The following RBFOX1 variants were observed in gnomAD, a reference collection of about 807,000 sequenced individuals.
RBFOX1 encodes RNA binding protein fox-1 homolog 1.
Under a neutral mutation model 57.7 loss-of-function variants are expected in RBFOX1, and 8 were observed. The ratio of observed to expected loss-of-function variants is 0.14; its 90% CI spans 0.08 to 0.25. The LOEUF is 0.25. RBFOX1 is among the 10% of genes least tolerant of loss of function. RBFOX1 has a pLI of 1.00. For synonymous variants in RBFOX1, 326 were observed against 222.4 expected, an observed-to-expected ratio of 1.47 and a Z score of -4.15; for missense variants, 611 against 548.5, an observed-to-expected ratio of 1.11 and a Z score of -1.14.
In RBFOX1 at chr16:7,292,266, GAAC is replaced by G. The variant is rs1568064376; in HGVS notation, c.28-225880_28-225878del. ...TATCATATATATGATATATGATATAGAACGTATTATATATCATATATCATATAT... is the reference window on the plus strand; with the variant it reads ...TATCATATATATGATATATGATATAGGTATTATATATCATATATCATATAT... On this transcript the variant is annotated intron_variant, in intron 4 of 15. Transcript: ENST00000550418. Among the ~76,000 whole-genome samples, 28 of 94,384 alleles carry G rather than the reference GAAC, an allele frequency of 3.0e-4. 1 individual carries two copies. In the East Asian group the frequency reaches 5.8e-3, roughly 20 times the overall value. 61.9% of individuals were successfully genotyped at this position (94,384 alleles called of 152,430 possible).
chr16:7,490,970 G>C (rs2066783645), intron 4 of RBFOX1, among the ~76,000 whole-genome samples: 1 of 152,008 alleles, frequency 6.6e-6, no homozygotes, highest in South Asian at 2.1e-4. Flanking sequence ...TCTAACACTG[G>C]AGATCTCTTC....
chr16:6,223,207 T>A (rs1312654170), intron 1 of RBFOX1, among the ~76,000 whole-genome samples: 1 of 151,128 alleles, frequency 6.6e-6, no homozygotes, highest in Non-Finnish European at 1.5e-5. Flanking sequence ...GTCCTTTGGG[T>A]ATATACCCAG....
At chr16:5,552,358 A>G (rs896594626) in intron 2 of RBFOX1, among the ~76,000 whole-genome samples, 2 of 152,166 alleles carry the variant, frequency 1.3e-5, no homozygotes, top group Non-Finnish European at 2.9e-5. Context: ...TTTGCTCACA[A>G]TTATTGAGCT....
chr16:7,434,297 C>T (rs148662077), intron 4 of RBFOX1, among the ~76,000 whole-genome samples: 2 of 151,964 alleles, frequency 1.3e-5, no homozygotes, highest in Admixed American at 6.6e-5. Flanking sequence ...CGGTGAAACC[C>T]CGTCTCTACT....
chr16:6,634,072 C>T (rs748135829), intron 2 of RBFOX1, among the ~76,000 whole-genome samples: 3 of 145,664 alleles, frequency 2.1e-5, no homozygotes, highest in Non-Finnish European at 1.5e-5. Context: ...AACCTACACA[C>T]ACACATACAC....
chr16:5,469,386 G>T (rs147041091), intron 2 of RBFOX1, among the ~76,000 whole-genome samples: 2 of 152,310 alleles, frequency 1.3e-5, no homozygotes, highest in South Asian at 2.1e-4. Flanking sequence ...TTGTTGTGGT[G>T]GGGGAGCAGT....
At chr16:6,052,707 C>T (rs1322998725) in intron 1 of RBFOX1, among the ~76,000 whole-genome samples, 1 of 151,736 alleles carries the variant, frequency 6.6e-6, no homozygotes, top group Non-Finnish European at 1.5e-5. Context: ...TGGCGTGAAC[C>T]CGGGAGGCGG....
chr16:5,929,445 A>G (rs956073150), intron 4 of RBFOX1, among the ~76,000 whole-genome samples: 3 of 152,138 alleles, frequency 2.0e-5, no homozygotes, highest in Non-Finnish European at 4.4e-5. Flanking sequence ...GCAATCATCA[A>G]ACTCCTCTGG....
At chr16:5,293,054 C>T (rs1016603033) in intron 1 of RBFOX1, among the ~76,000 whole-genome samples, 1 of 152,056 alleles carries the variant, frequency 6.6e-6, no homozygotes, top group Non-Finnish European at 1.5e-5. Flanking sequence ...GGCACTGTGG[C>T]TCATGCCTGT....
At chr16:5,481,830 C>A (rs8059752) in intron 2 of RBFOX1, among the ~76,000 whole-genome samples, 10,904 of 152,178 alleles carry the variant, frequency 0.072, 795 homozygotes, top group African/African-American at 0.19. Flanking sequence ...GCCTTCTGAC[C>A]GTGTCTCCAC....
chr16:6,686,905 A>G (rs2059514375), intron 3 of RBFOX1, among the ~76,000 whole-genome samples: 1 of 152,180 alleles, frequency 6.6e-6, no homozygotes, highest in African/African-American at 2.4e-5. Flanking sequence ...AATGCTTTTG[A>G]TTAATTTGTG....
chr16:7,667,488 TC>T (rs1355332155), intron 13 of RBFOX1, among the ~76,000 whole-genome samples: 1 of 152,146 alleles, frequency 6.6e-6, no homozygotes, highest in Non-Finnish European at 1.5e-5. Context: ...TCCCCAAGCT[TC>T]GTTTTTAAAA....
chr16:6,438,142 T>C (rs1157488773), intron 2 of RBFOX1, among the ~76,000 whole-genome samples: 1 of 152,208 alleles, frequency 6.6e-6, no homozygotes, highest in Non-Finnish European at 1.5e-5. Context: ...TCGGTGTCTT[T>C]TGTAAACCGA....
At chr16:7,196,320 C>T (rs994258536) in intron 4 of RBFOX1, among the ~76,000 whole-genome samples, 1 of 152,154 alleles carries the variant, frequency 6.6e-6, no homozygotes, top group Non-Finnish European at 1.5e-5. Context: ...CTGAAGATGT[C>T]TCAGGGAATT....
intron 14 of RBFOX1, among the ~76,000 whole-genome samples, chr16:7,695,708 C>G (rs1442922198): frequency 6.7e-6 from 1 of 149,872 alleles, no homozygotes; most frequent in African/African-American, 2.5e-5. Flanking sequence ...CTAAACAGCA[C>G]TACTGTAATG....
intron 4 of RBFOX1, among the ~76,000 whole-genome samples, chr16:7,426,043 C>G (rs1400631694): frequency 6.6e-6 from 1 of 152,202 alleles, no homozygotes; most frequent in African/African-American, 2.4e-5. Context: ...GAGAGACCCA[C>G]TGAGGCAAAG....
At chr16:7,566,620 G>C (rs2091747134) in intron 5 of RBFOX1, among the ~76,000 whole-genome samples, 1 of 152,278 alleles carries the variant, frequency 6.6e-6, no homozygotes, top group African/African-American at 2.4e-5. Context: ...ACACCAGTGA[G>C]ATGCTTAGCT....
intron 2 of RBFOX1, among the ~76,000 whole-genome samples, chr16:6,650,846 C>T (rs1602735075): frequency 6.6e-6 from 1 of 152,138 alleles, no homozygotes. Flanking sequence ...AGAAAATCAA[C>T]ATTTCTGTAG....
chr16:7,637,145 C>T (rs897133175), intron 11 of RBFOX1, among the ~76,000 whole-genome samples: 4 of 151,956 alleles, frequency 2.6e-5, no homozygotes, highest in South Asian at 2.1e-4. Context: ...TGCCAATGAG[C>T]GCGTTTTCCA....
Sources: gnomAD v4.1 joint callset for allele counts (sites outside exome capture counted in the v4.1 genomes callset) on GRCh38, gnomAD v4.1.1 for gene constraint, MANE v1.5 for transcripts, NCBI Gene and HGNC (gene_info 2026-07-23, HGNC 2026-07-21) for gene names.